The following PTK2 variants were observed in gnomAD, a reference collection of about 807,000 sequenced individuals.
PTK2 encodes focal adhesion kinase 1.
Under a neutral mutation model 150.1 loss-of-function variants are expected in PTK2, and 45 were observed. The observed-to-expected ratio is 0.30, with a 90% CI of 0.24 to 0.38. The LOEUF (loss-of-function observed/expected upper bound fraction) is 0.38, where lower values mean the gene tolerates loss of function less well. PTK2 is among the 10% of genes least tolerant of loss of function. The pLI is 1.00. For synonymous variants in PTK2, 432 were observed against 449.2 expected (o/e 0.96, Z 0.48); for missense variants, 919 against 1,307.3 (o/e 0.70, Z 4.58).
chr8:140,908,840 C>T (rs1330239585), intron 2 of PTK2, among the ~76,000 whole-genome samples: 1 of 152,156 alleles, frequency 6.6e-6, no homozygotes, highest in African/African-American at 2.4e-5. Flanking sequence ...AGAAAACATG[C>T]CAAATTTCAC....
At chr8:140,811,535 C>T (rs1566854720) in intron 10 of PTK2, among the ~76,000 whole-genome samples, 1 of 152,160 alleles carries the variant, frequency 6.6e-6, no homozygotes. Flanking sequence ...ACCGCACCAC[C>T]TCTCCAGCAA....
rs1364854841 is a variant in PTK2 at position 140,738,972 on chromosome 8, A to G, written c.1825+46T>C. On this transcript the variant is annotated intron_variant, in intron 21 of 31. Coordinates refer to ENST00000522684, the Ensembl canonical transcript of PTK2. ...GAGATAATTTTTTTTTGTATAACAT[A>G]TGAAATATAATTTTTAAAGAATACA... 5 of 1,319,666 alleles carry G rather than the reference A, an allele frequency of 3.8e-6. No individual in the cohort carries two copies. The Admixed American group carries it at 1.2e-4, about 32-fold the overall frequency. 81.7% of individuals were successfully genotyped at this position (1,319,666 alleles called of 1,614,324 possible).
chr8:140,731,001 C>T (rs1298729217), intron 22 of PTK2, among the ~76,000 whole-genome samples: 2 of 137,784 alleles, frequency 1.5e-5, no homozygotes, highest in African/African-American at 2.6e-5. Flanking sequence ...TCTTGTCTCC[C>T]GGGCTGGAGT....
intron 26 of PTK2, among the ~76,000 whole-genome samples, chr8:140,700,195 T>G (rs1442460085): frequency 6.6e-6 from 1 of 152,154 alleles, no homozygotes; most frequent in Non-Finnish European, 1.5e-5. Context: ...ACATGGCCCT[T>G]AAGGGTTTTG....
intron 5 of PTK2, among the ~76,000 whole-genome samples, chr8:140,861,961 G>A (rs1000483472): frequency 3.3e-5 from 5 of 152,130 alleles, no homozygotes; most frequent in African/African-American, 1.2e-4. Flanking sequence ...GTTTTATAAA[G>A]ACCGCTGAAC....
chr8:140,735,116 A>T (rs1307041999), intron 22 of PTK2, 135 bp downstream of exon 25: 2 of 778,548 alleles, frequency 2.6e-6, no homozygotes, highest in East Asian at 2.7e-5. Flanking sequence ...CAATTTTAAA[A>T]GTAATTGCAT....
chr8:140,848,161 C>G, intron 5 of PTK2, among the ~76,000 whole-genome samples: 1 of 152,332 alleles, frequency 6.6e-6, no homozygotes, highest in Middle Eastern at 3.4e-3. Context: ...CTACAATTCA[C>G]TGATTTCATA....
Position 140,946,574 on chromosome 8 carries a change from G to A in PTK2, c.-121-20825C>T, listed in dbSNP as rs111994384. On this transcript the variant is annotated intron_variant, in intron 1 of 31. Coordinates refer to ENST00000522684, the Ensembl canonical transcript of PTK2. ...TTATTTCCGTTGCTTCTGGGAAGCA[G>A]ATGGAAGACCGGACAGGAGCCTGTG... Among the ~76,000 whole-genome samples, 634 of 152,326 alleles carry A rather than the reference G, an allele frequency of 4.2e-3. 8 individuals carry two copies. Among genetic ancestry groups the A allele is most frequent in the African/African-American group, 0.014 (602 of 41,580 alleles).
At chr8:140,916,428 T>C (rs2100165308) in intron 2 of PTK2, among the ~76,000 whole-genome samples, 1 of 152,238 alleles carries the variant, frequency 6.6e-6, no homozygotes, top group African/African-American at 2.4e-5. Flanking sequence ...GCTCTACCTA[T>C]ACAATCAACT....
At chr8:140,746,888 CTTTCTT>C in intron 17 of PTK2, 28 bp from the exon 21 acceptor site, 1 of 1,135,864 alleles carries the variant, frequency 8.8e-7, no homozygotes, top group Non-Finnish European at 1.2e-6. Flanking sequence ...CATAGTTATT[CTTTCTT>C]TTTTTTTTTT....
At chr8:140,756,833 C>G (rs940610027) in intron 16 of PTK2, among the ~76,000 whole-genome samples, 3 of 148,512 alleles carry the variant, frequency 2.0e-5, no homozygotes, top group Non-Finnish European at 3.0e-5. Context: ...ACTAAAAATA[C>G]AAAAAATTAG....
intron 7 of PTK2, 79 bp downstream of exon 7, chr8:140,846,181 A>C: frequency 1.7e-6 from 2 of 1,161,990 alleles, no homozygotes; most frequent in Non-Finnish European, 2.4e-6. Flanking sequence ...AGTGTTTCAG[A>C]ATCAGTATTT....
chr8:140,954,815 T>C (rs1167028693), intron 1 of PTK2: 1 of 152,186 alleles, frequency 6.6e-6, no homozygotes, highest in African/African-American at 2.4e-5. Flanking sequence ...TTCTCTTTCC[T>C]CTTTCCATTG....
intron 5 of PTK2, among the ~76,000 whole-genome samples, chr8:140,861,654 T>C (rs1285407960): frequency 6.6e-6 from 1 of 152,220 alleles, no homozygotes; most frequent in Non-Finnish European, 1.5e-5. Flanking sequence ...CAGACAATTT[T>C]ATCTCATATA....
intron 26 of PTK2, among the ~76,000 whole-genome samples, chr8:140,696,878 T>C (rs957224849): frequency 3.8e-4 from 57 of 151,976 alleles, no homozygotes; most frequent in African/African-American, 1.3e-3. Flanking sequence ...TCAGTCTAAG[T>C]AAGGAAAACA....
intron 16 of PTK2, among the ~76,000 whole-genome samples, chr8:140,760,216 G>A (rs1427127434): frequency 3.3e-5 from 5 of 151,854 alleles, no homozygotes; most frequent in Admixed American, 1.3e-4. Flanking sequence ...GCAAGACTCC[G>A]TCTCACCAAA....
intron 1 of PTK2, among the ~76,000 whole-genome samples, chr8:140,959,663 C>G (rs2100182424): frequency 6.6e-6 from 1 of 151,678 alleles, no homozygotes; most frequent in South Asian, 2.1e-4. Flanking sequence ...ATGAGTATCA[C>G]CAAGGGATAA....
intron 8 of PTK2, chr8:140,820,745 T>C (rs1231205465): frequency 6.6e-6 from 1 of 152,212 alleles, no homozygotes; most frequent in Non-Finnish European, 1.5e-5. Context: ...GCCAGAAGAA[T>C]ACCAGAAATC....
At chr8:140,887,153 T>C (rs2100152605) in intron 3 of PTK2, among the ~76,000 whole-genome samples, 1 of 152,198 alleles carries the variant, frequency 6.6e-6, no homozygotes, top group African/African-American at 2.4e-5. Context: ...TGACAAGGTG[T>C]ACCTGATTTT....
Sources: gnomAD v4.1 joint callset for allele counts (sites outside exome capture counted in the v4.1 genomes callset) on GRCh38, gnomAD v4.1.1 for gene constraint, MANE v1.5 for transcripts, NCBI Gene and HGNC (gene_info 2026-07-23, HGNC 2026-07-21) for gene names.